Variants in NKAIN3 observed in about 807,000 individuals in gnomAD.
NKAIN3 encodes the protein sodium/potassium transporting ATPase interacting 3.
Under a neutral mutation model 30.2 loss-of-function variants are expected in NKAIN3, and 25 were observed. The ratio of observed to expected loss-of-function variants is 0.83; its 90% CI spans 0.60 to 1.16. The LOEUF (loss-of-function observed/expected upper bound fraction) is 1.16. NKAIN3 is among the 50% of genes most tolerant of loss of function. NKAIN3 has a pLI of 0.00. For missense variants in NKAIN3, 225 were observed against 254.1 expected (o/e 0.89, Z 0.78); for synonymous variants, 91 against 89.6 (o/e 1.02, Z -0.09).
chr8:62,925,801 C>T (rs1822422386), intron 5 of NKAIN3, among the ~76,000 whole-genome samples: 1 of 152,120 alleles, frequency 6.6e-6, no homozygotes, highest in African/African-American at 2.4e-5. Flanking sequence ...TACAAATGGT[C>T]AACATCAGGA....
intron 1 of NKAIN3, among the ~76,000 whole-genome samples, chr8:62,289,710 T>C (rs1295825415): frequency 9.2e-5 from 14 of 152,186 alleles, no homozygotes; most frequent in Admixed American, 9.2e-4. Context: ...GGCTTAGGAT[T>C]GTCTTGGCAA....
rs181538435 is a variant in NKAIN3 at position 62,580,338 on chromosome 8, T to C, written c.192+662T>C. Among the ~76,000 whole-genome samples, 847 of 152,284 alleles carry C rather than the reference T, an allele frequency of 5.6e-3. 8 individuals carry two copies. The highest frequency in any genetic ancestry group is 0.018 in the African/African-American group (749 of 41,564). On this transcript the variant is annotated intron_variant, in intron 2 of 6. Transcript: ENST00000623646. The stretch of plus-strand genomic sequence containing the variant: ...TCTAATGGAAGTTATTCACAGTAAT[T>C]AGTTGTCTTTTCTATAACATAAAAG...
At chr8:62,334,976 TAATAAGGGAC>T (rs1288540878) in intron 1 of NKAIN3, among the ~76,000 whole-genome samples, 1 of 152,054 alleles carries the variant, frequency 6.6e-6, no homozygotes, top group Non-Finnish European at 1.5e-5. Context: ...TGCTTGTCAT[TAATAAGGGAC>T]AGGCCCCCAA....
intron 4 of NKAIN3, among the ~76,000 whole-genome samples, chr8:62,778,031 C>A (rs1488065674): frequency 6.6e-6 from 1 of 152,084 alleles, no homozygotes; most frequent in Admixed American, 6.6e-5. Flanking sequence ...AACTCTTATT[C>A]TCTTCCCTTA....
chr8:62,924,526 A>C (rs940355455), intron 5 of NKAIN3, among the ~76,000 whole-genome samples: 52 of 152,222 alleles, frequency 3.4e-4, no homozygotes, highest in Non-Finnish European at 6.6e-4. Flanking sequence ...AATGGCAGAG[A>C]TCGGGGAGAA....
rs74899283 is a variant in NKAIN3, at chr8:62,997,972, A to C, written c.533-1259A>C. The stretch of plus-strand genomic sequence containing the variant: ...GGGTTGACATGAGGTTTGAGTTGGA[A>C]TCAAGAAAGCCTCATGTTATTTGGG... On this transcript the variant is annotated intron_variant, in intron 5 of 5. Coordinates refer to the NKAIN3 transcript ENST00000519049. Among the ~76,000 whole-genome samples, 468 of 152,286 alleles carry C rather than the reference A, an allele frequency of 3.1e-3. 4 individuals are homozygous for C. Among genetic ancestry groups the C allele is most frequent in the African/African-American group, 0.01 (424 of 41,540 alleles).
At chr8:62,635,525 T>C (rs1435341376) in intron 3 of NKAIN3, among the ~76,000 whole-genome samples, 1 of 152,134 alleles carries the variant, frequency 6.6e-6, no homozygotes, top group African/African-American at 2.4e-5. Context: ...AGGAGATTTT[T>C]TTCCACCCCA....
chr8:62,920,522 T>G (rs1164979946), intron 5 of NKAIN3, among the ~76,000 whole-genome samples: 63 of 152,230 alleles, frequency 4.1e-4, no homozygotes, highest in Admixed American at 4.1e-3. Flanking sequence ...TAACTTTCTA[T>G]TAGCCTTCTT....
chr8:62,469,459 CT>C (rs1400119806), intron 1 of NKAIN3, among the ~76,000 whole-genome samples: 2 of 152,170 alleles, frequency 1.3e-5, no homozygotes, highest in South Asian at 2.1e-4. Context: ...CTCTACTCTA[CT>C]GCCCCACTGG....
chr8:62,293,821 C>T lies in NKAIN3; in HGVS notation c.54+44694C>T, dbSNP rs143462135. ...TTCTGCTGCCTTTTGTTCAGCTATG[C>T]CCTGCCCCCAGAGGTGGAGTCTACA... On this transcript the variant is annotated intron_variant, in intron 1 of 6. Coordinates refer to ENST00000623646, the MANE Select transcript of NKAIN3 (RefSeq NM_001304533.3). Among the ~76,000 whole-genome samples, 805 of 152,196 alleles carry T rather than the reference C, an allele frequency of 5.3e-3. 11 individuals carry two copies. The highest frequency in any genetic ancestry group is 0.019 in the African/African-American group (772 of 41,560).
intron 5 of NKAIN3, among the ~76,000 whole-genome samples, chr8:62,953,427 G>T (rs1423891838): frequency 6.6e-6 from 1 of 152,162 alleles, no homozygotes; most frequent in Non-Finnish European, 1.5e-5. Flanking sequence ...TTTGCAAAAG[G>T]CAGATGCCGA....
intron 3 of NKAIN3, among the ~76,000 whole-genome samples, chr8:62,670,492 A>G (rs1813265967): frequency 6.6e-6 from 1 of 152,096 alleles, no homozygotes. Context: ...GGTATTCTCT[A>G]TTTGGGGAGG....
In NKAIN3 at chr8:62,629,757, A is replaced by G. The variant is rs558359859; in HGVS notation, c.273+39963A>G. 5.9e-5 allele frequency among the ~76,000 whole-genome samples: 9 copies of G among 152,272 alleles called. No homozygotes were observed. In the South Asian group the frequency reaches 1.9e-3, roughly 32 times the overall value. ...ATGAACCCAGGAATTTTGGGGTAAC[A>G]TATGCTTTTTTAGACTGGTAAATAC... On this transcript the variant is annotated intron_variant, in intron 3 of 6. Coordinates refer to ENST00000623646, the MANE Select transcript of NKAIN3 (RefSeq NM_001304533.3).
At chr8:62,938,203 G>T (rs974153194) in intron 5 of NKAIN3, among the ~76,000 whole-genome samples, 1 of 152,038 alleles carries the variant, frequency 6.6e-6, no homozygotes. Flanking sequence ...TGCTCCTCCA[G>T]GTGACCGTAG....
At chr8:62,840,602 C>A (rs147280914) in intron 4 of NKAIN3, among the ~76,000 whole-genome samples, 1 of 152,096 alleles carries the variant, frequency 6.6e-6, no homozygotes, top group African/African-American at 2.4e-5. Context: ...TGCTGATTGA[C>A]CTTCCGGGAT....
intron 1 of NKAIN3, among the ~76,000 whole-genome samples, chr8:62,418,502 G>C (rs1370311399): frequency 6.6e-6 from 1 of 152,108 alleles, no homozygotes; most frequent in Non-Finnish European, 1.5e-5. Context: ...TCCCATGGCT[G>C]TAGCTGGTCC....
intron 1 of NKAIN3, among the ~76,000 whole-genome samples, chr8:62,354,709 C>T (rs931227264): frequency 6.6e-6 from 1 of 152,178 alleles, no homozygotes. Context: ...TTCCAAAGTG[C>T]TGGGATTACA....
chr8:62,584,856 T>C (rs1298600966), intron 2 of NKAIN3, among the ~76,000 whole-genome samples: 3 of 152,218 alleles, frequency 2.0e-5, no homozygotes, highest in South Asian at 2.1e-4. Flanking sequence ...ATTGCTTCGC[T>C]ACCTGTCTTG....
chr8:62,688,059 A>G (rs1408701306), intron 3 of NKAIN3, among the ~76,000 whole-genome samples: 1 of 152,170 alleles, frequency 6.6e-6, no homozygotes, highest in Non-Finnish European at 1.5e-5. Context: ...TCCAAATTCA[A>G]CCTCTTTTCC....
Sources: allele counts gnomAD v4.1 joint callset (sites outside exome capture counted in the v4.1 genomes callset), GRCh38; gene constraint gnomAD v4.1.1; transcripts MANE v1.5; gene names NCBI Gene and HGNC (gene_info 2026-07-23, HGNC 2026-07-21).